Variants in PTPRN2 observed in about 807,000 individuals in gnomAD.
The protein encoded by PTPRN2 is receptor-type tyrosine-protein phosphatase N2.
Under a neutral mutation model 118.8 loss-of-function variants are expected in PTPRN2, and 74 were observed. The ratio of observed to expected loss-of-function variants is 0.62; its 90% CI spans 0.52 to 0.76. PTPRN2 has a LOEUF of 0.76. PTPRN2 is among the 30% of genes least tolerant of loss of function. The probability of loss-of-function intolerance (pLI) is 0.00; values close to 1 mark genes in which losing one functional copy is unlikely to be tolerated. For missense variants in PTPRN2, 1,481 were observed against 1,394.4 expected (o/e 1.06, Z -0.99); for synonymous variants, 641 against 608.0 (o/e 1.05, Z -0.80).
intron 12 of PTPRN2, among the ~76,000 whole-genome samples, chr7:157,876,309 G>A (rs976579820): frequency 1.3e-5 from 2 of 152,140 alleles, no homozygotes; most frequent in Admixed American, 6.5e-5. Context: ...AGCATCCTGG[G>A]GGCCACTCTT....
At chr7:158,351,752 T>G (rs1172851512) in intron 2 of PTPRN2, among the ~76,000 whole-genome samples, 1 of 152,058 alleles carries the variant, frequency 6.6e-6, no homozygotes, top group East Asian at 1.9e-4. Flanking sequence ...GTGACAGATA[T>G]CATTTTCATT....
At chr7:157,786,835 C>T (rs892939168) in intron 12 of PTPRN2, among the ~76,000 whole-genome samples, 5 of 152,264 alleles carry the variant, frequency 3.3e-5, no homozygotes, top group Non-Finnish European at 5.9e-5. Flanking sequence ...CACATTCCAG[C>T]GGCTTTGGCC....
Position 157,603,184 on chromosome 7 carries a change from C to A in PTPRN2, c.2418+818G>T, listed in dbSNP as rs1230258211. On this transcript the variant is annotated intron_variant, in intron 16 of 22. Transcript: ENST00000389418. The surrounding 1 kb of genome is among the most constrained non-coding windows in gnomAD (Gnocchi z 5.4). Reference sequence around the variant, plus strand: ...CCACCATCACTGCTCATCTGAACACCCAGTCCGAGTGTCCCCAGCCTGTGG... The same window carrying A: ...CCACCATCACTGCTCATCTGAACACACAGTCCGAGTGTCCCCAGCCTGTGG... Among the ~76,000 whole-genome samples, 1 of 152,094 alleles carries A rather than the reference C, an allele frequency of 6.6e-6. No individual in the cohort carries two copies. The highest frequency in any genetic ancestry group is 2.4e-5 in the African/African-American group (1 of 41,416).
intron 10 of PTPRN2, among the ~76,000 whole-genome samples, chr7:158,092,930 G>T (rs1340395289): frequency 6.6e-6 from 1 of 152,198 alleles, no homozygotes; most frequent in Non-Finnish European, 1.5e-5. Context: ...CACAAAATTT[G>T]ACCTAAGGCA....
At chr7:158,394,214 C>A (rs1812157672) in intron 2 of PTPRN2, among the ~76,000 whole-genome samples, 1 of 151,946 alleles carries the variant, frequency 6.6e-6, no homozygotes, top group African/African-American at 2.4e-5. Flanking sequence ...CTATGTCCCC[C>A]ACAGATGCCT....
At chr7:158,286,961 G>C (rs1799808352) in intron 3 of PTPRN2, among the ~76,000 whole-genome samples, 2 of 152,154 alleles carry the variant, frequency 1.3e-5, no homozygotes, top group Admixed American at 6.5e-5. Context: ...AAGATCAGCA[G>C]TAAAGCCATC....
At chr7:158,019,229 T>C (rs944260186) in intron 11 of PTPRN2, among the ~76,000 whole-genome samples, 1 of 152,252 alleles carries the variant, frequency 6.6e-6, no homozygotes, top group Non-Finnish European at 1.5e-5. Flanking sequence ...GCCTCCCCGA[T>C]CCTGGGGCTG....
intron 12 of PTPRN2, among the ~76,000 whole-genome samples, chr7:157,882,929 T>A (rs12533819): frequency 0.87 from 130,389 of 150,034 alleles, 56,445 homozygotes; most frequent in East Asian, 1. Flanking sequence ...CACCCCAAAA[T>A]TGACTGTTGG....
At chr7:158,450,889 AAC>A (rs1818053957) in intron 2 of PTPRN2, among the ~76,000 whole-genome samples, 1 of 152,160 alleles carries the variant, frequency 6.6e-6, no homozygotes, top group African/African-American at 2.4e-5. Flanking sequence ...AGCCGCAGCA[AAC>A]ACACCTCTCC....
intron 11 of PTPRN2, among the ~76,000 whole-genome samples, chr7:157,911,269 C>T (rs1798090040): frequency 1.3e-5 from 2 of 152,180 alleles, no homozygotes; most frequent in Admixed American, 1.3e-4. Flanking sequence ...ATGCGGTGAT[C>T]TCCAGGATGA....
At chr7:158,172,048 G>C (rs948952654) in intron 5 of PTPRN2, among the ~76,000 whole-genome samples, 1 of 152,166 alleles carries the variant, frequency 6.6e-6, no homozygotes, top group African/African-American at 2.4e-5. Context: ...GTCTGATGAT[G>C]TTTAAGCTGA....
intron 2 of PTPRN2, among the ~76,000 whole-genome samples, chr7:158,431,466 G>GGCTCACACTGGACACACAC (rs1816178839): frequency 1.6e-5 from 2 of 123,540 alleles, no homozygotes; most frequent in African/African-American, 6.3e-5. Context: ...GACACACACT[G>GGCTCACACTGGACACACAC]GGCACATACT....
At chr7:157,639,047 T>C (rs910738290) in intron 14 of PTPRN2, among the ~76,000 whole-genome samples, 30 of 152,016 alleles carry the variant, frequency 2.0e-4, no homozygotes, top group Non-Finnish European at 8.8e-5. Flanking sequence ...TTCTTTCTTT[T>C]TTTTTTTTTG....
intron 5 of PTPRN2, among the ~76,000 whole-genome samples, chr7:158,175,973 T>C (rs1359999444): frequency 6.6e-6 from 1 of 151,604 alleles, no homozygotes; most frequent in Non-Finnish European, 1.5e-5. Flanking sequence ...CACCCCGCCC[T>C]GCTGAGACTC....
chr7:158,340,424 CACACTCTCACCGTA>C (rs1563174112), intron 2 of PTPRN2, among the ~76,000 whole-genome samples: 169 of 76,478 alleles, frequency 2.2e-3, no homozygotes, highest in African/African-American at 2.4e-3. Context: ...CACTCACACA[CACACTCTCACCGTA>C]AGAGCTGACA....
intron 11 of PTPRN2, among the ~76,000 whole-genome samples, chr7:158,067,736 T>A (rs1212722719): frequency 6.6e-6 from 1 of 151,896 alleles, no homozygotes; most frequent in Non-Finnish European, 1.5e-5. Flanking sequence ...TGAGCACTGT[T>A]CCCACCAGGC....
intron 6 of PTPRN2, among the ~76,000 whole-genome samples, chr7:158,146,842 G>T (rs549778968): frequency 6.6e-6 from 1 of 152,110 alleles, no homozygotes; most frequent in East Asian, 1.9e-4. Flanking sequence ...AGGCCAGAGA[G>T]ACTTGACCAA....
chr7:158,573,578 C>T (rs978827329), intron 1 of PTPRN2, among the ~76,000 whole-genome samples: 11 of 152,074 alleles, frequency 7.2e-5, no homozygotes, highest in African/African-American at 2.7e-4. Context: ...GGTCTCTGTC[C>T]AGGAAGGTCA....
intron 2 of PTPRN2, among the ~76,000 whole-genome samples, chr7:158,403,925 T>C (rs4909211): frequency 0.95 from 145,292 of 152,304 alleles, 69,342 homozygotes; most frequent in East Asian, 0.97. Context: ...GTTTAAAATG[T>C]AGGGTAAAAG....
Sources: gnomAD v4.1 joint callset for allele counts (sites outside exome capture counted in the v4.1 genomes callset) on GRCh38, gnomAD v4.1.1 for gene constraint, Gnocchi (gnomAD v3.1) non-coding constraint, MANE v1.5 for transcripts, NCBI Gene and HGNC (gene_info 2026-07-23, HGNC 2026-07-21) for gene names.